Variants in ZFHX3 observed in about 807,000 individuals in gnomAD.
The protein encoded by ZFHX3 is zinc finger homeobox 3.
A neutral mutation model predicts 279.1 loss-of-function variants in ZFHX3; 42 were observed. The observed-to-expected ratio is 0.15, with a 90% CI of 0.12 to 0.19. The LOEUF is 0.19. Among genes scored for constraint, ZFHX3 ranks in the 10% least tolerant of loss-of-function variants. The pLI is 1.00. For missense variants in ZFHX3, 4,981 were observed against 4,754.0 expected, an observed-to-expected ratio of 1.05 and a Z score of -1.40; for synonymous variants, 2,293 against 1,957.8, an observed-to-expected ratio of 1.17 and a Z score of -4.52.
chr16:73,491,436 G>A (rs1393282825), intron 2 of ZFHX3, among the ~76,000 whole-genome samples: 1 of 152,156 alleles, frequency 6.6e-6, no homozygotes, highest in East Asian at 1.9e-4. Context: ...TCTGCCACAG[G>A]CATTAAAATA....
At chr16:73,386,355 C>T (rs1166091961) in intron 3 of ZFHX3, among the ~76,000 whole-genome samples, 1 of 152,066 alleles carries the variant, frequency 6.6e-6, no homozygotes, top group Non-Finnish European at 1.5e-5. Context: ...CCAGGTTCAC[C>T]CCTTACTAGA....
At chr16:73,675,419 ACATT>A (rs745622982) in intron 2 of ZFHX3, among the ~76,000 whole-genome samples, 49 of 152,284 alleles carry the variant, frequency 3.2e-4, no homozygotes, top group Non-Finnish European at 4.4e-4. Context: ...GGTTTATCTT[ACATT>A]CATTCATTCA....
At chr16:73,326,229 A>G (rs1449981224) in intron 3 of ZFHX3, among the ~76,000 whole-genome samples, 1 of 152,184 alleles carries the variant, frequency 6.6e-6, no homozygotes, top group Non-Finnish European at 1.5e-5. Context: ...ATAATATATC[A>G]TATGCAACGG....
chr16:72,793,028 TAA>T lies in ZFHX3; in HGVS notation c.9427+225_9427+226del, dbSNP rs2035765650. Among the ~76,000 whole-genome samples, 1 of 152,196 alleles carries T rather than the reference TAA, an allele frequency of 6.6e-6. No individual in the cohort carries two copies. Among genetic ancestry groups the T allele is most frequent in the Middle Eastern group, 3.2e-3 (1 of 316 alleles). On this transcript the variant is annotated intron_variant, in intron 9 of 9. Transcript: ENST00000268489. The surrounding 1 kb of genome is among the most constrained non-coding windows in gnomAD (Gnocchi z 4.3). The stretch of plus-strand genomic sequence containing the variant: ...TCAAGTTTTTCCCTATTATAGGGGA[TAA>T]GAGTGGTTTCAAAGGAGACTGTTCC...
intron 1 of ZFHX3, among the ~76,000 whole-genome samples, chr16:72,986,626 T>C (rs1429552850): frequency 1.3e-5 from 2 of 152,192 alleles, no homozygotes; most frequent in Non-Finnish European, 2.9e-5. Flanking sequence ...AGACGCAAGT[T>C]ATTGAATTAT....
chr16:73,062,530 T>G (rs1408985899), upstream of ZFHX3, among the ~76,000 whole-genome samples: 1 of 152,198 alleles, frequency 6.6e-6, no homozygotes, highest in Non-Finnish European at 1.5e-5. Context: ...TGAGTAAGAA[T>G]CTGCTTCCCT....
At chr16:73,276,034 G>A (rs974869982) in intron 4 of ZFHX3, among the ~76,000 whole-genome samples, 7 of 151,934 alleles carry the variant, frequency 4.6e-5, no homozygotes, top group Non-Finnish European at 8.8e-5. Context: ...AAGATGAAGC[G>A]TCCATGCCCC....
chr16:73,132,979 G>A (rs1966719876), intron 6 of ZFHX3, among the ~76,000 whole-genome samples: 1 of 152,216 alleles, frequency 6.6e-6, no homozygotes, highest in East Asian at 1.9e-4. Flanking sequence ...GATCACCAAA[G>A]AGTGCTCTGA....
chr16:73,434,651 T>C (rs2017966401), intron 3 of ZFHX3, among the ~76,000 whole-genome samples: 1 of 152,042 alleles, frequency 6.6e-6, no homozygotes, highest in South Asian at 2.1e-4. Flanking sequence ...AAAACAACAA[T>C]GTGTTTTTGG....
intron 1 of ZFHX3, among the ~76,000 whole-genome samples, chr16:73,045,307 G>T (rs1965253749): frequency 6.6e-6 from 1 of 152,180 alleles, no homozygotes; most frequent in African/African-American, 2.4e-5. Context: ...CCACTTTTGG[G>T]TCACCAAAGA....
intron 1 of ZFHX3, among the ~76,000 whole-genome samples, chr16:73,851,354 A>T (rs1240560120): frequency 1.3e-5 from 2 of 152,172 alleles, no homozygotes; most frequent in African/African-American, 4.8e-5. Context: ...AGGGATCCCA[A>T]CAACTGTCCT....
intron 5 of ZFHX3, among the ~76,000 whole-genome samples, chr16:73,168,274 TC>T (rs1298556233): frequency 1.3e-5 from 2 of 150,136 alleles, no homozygotes; most frequent in African/African-American, 4.9e-5. Context: ...TTTCTTTCTT[TC>T]TTTCGAGACA....
upstream of ZFHX3, chr16:73,048,315 T>C (rs1167588706): frequency 6.6e-6 from 1 of 151,502 alleles, no homozygotes; most frequent in East Asian, 1.9e-4. Context: ...CAGGCCGGGT[T>C]GCTCGGCGGC....
At chr16:73,436,516 C>T (rs1261220163) in intron 3 of ZFHX3, among the ~76,000 whole-genome samples, 1 of 152,144 alleles carries the variant, frequency 6.6e-6, no homozygotes, top group East Asian at 1.9e-4. Context: ...ATGGGAGAAA[C>T]CACCCCCACG....
intron 2 of ZFHX3, among the ~76,000 whole-genome samples, chr16:73,623,872 T>G (rs1237814893): frequency 6.6e-6 from 1 of 152,232 alleles, no homozygotes; most frequent in Non-Finnish European, 1.5e-5. Flanking sequence ...TAAAATGATG[T>G]ACTACAATTA....
At chr16:73,016,415 T>G (rs1428738104) in intron 1 of ZFHX3, among the ~76,000 whole-genome samples, 4 of 152,082 alleles carry the variant, frequency 2.6e-5, no homozygotes, top group African/African-American at 9.7e-5. Flanking sequence ...TAACCACCTT[T>G]CACAAAGGGT....
intron 3 of ZFHX3, among the ~76,000 whole-genome samples, chr16:73,404,992 G>C (rs1476272344): frequency 2.6e-5 from 4 of 152,100 alleles, no homozygotes; most frequent in Admixed American, 6.5e-5. Flanking sequence ...ATTTGCAACG[G>C]TCCAAGGTGG....
intron 1 of ZFHX3, among the ~76,000 whole-genome samples, chr16:73,856,214 G>C (rs1420525071): frequency 6.6e-6 from 1 of 152,152 alleles, no homozygotes; most frequent in Non-Finnish European, 1.5e-5. Context: ...ACTACGTGTA[G>C]GTGGTGGGAT....
At chr16:73,032,169 T>C (rs576496142) in intron 1 of ZFHX3, among the ~76,000 whole-genome samples, 9 of 151,994 alleles carry the variant, frequency 5.9e-5, no homozygotes, top group Admixed American at 5.2e-4. Flanking sequence ...TGGTGATGCA[T>C]GCCTACAGTC....
Sources: gnomAD v4.1 joint callset for allele counts (sites outside exome capture counted in the v4.1 genomes callset) on GRCh38, gnomAD v4.1.1 for gene constraint, Gnocchi (gnomAD v3.1) non-coding constraint, MANE v1.5 for transcripts, NCBI Gene and HGNC (gene_info 2026-07-23, HGNC 2026-07-21) for gene names.